NRXN1: variants seen among roughly 807,000 people sequenced by gnomAD.
NRXN1 encodes the protein neurexin-1.
Under a neutral mutation model 150.9 loss-of-function variants are expected in NRXN1, and 39 were observed. That is an observed-to-expected ratio of 0.26 (90% confidence interval 0.20 to 0.34). NRXN1 has a LOEUF of 0.34. NRXN1 is among the 10% of genes least tolerant of loss of function. The pLI is 1.00. For synonymous variants in NRXN1, 924 were observed against 757.0 expected (o/e 1.22, Z -3.62); for missense variants, 1,815 against 1,949.9 (o/e 0.93, Z 1.30).
intron 17 of NRXN1, among the ~76,000 whole-genome samples, chr2:50,331,430 T>G (rs1000742886): frequency 3.9e-5 from 6 of 152,150 alleles, no homozygotes; most frequent in Non-Finnish European, 8.8e-5. Flanking sequence ...TGTGTGTGCA[T>G]GCATATAACC....
At chr2:50,924,228 A>G (rs758658799) in intron 3 of NRXN1, among the ~76,000 whole-genome samples, 3 of 151,818 alleles carry the variant, frequency 2.0e-5, no homozygotes, top group Non-Finnish European at 4.4e-5. Flanking sequence ...TACATCAATA[A>G]GGATGGAAAT....
At chr2:50,941,433 G>C (rs886907916) in intron 2 of NRXN1, among the ~76,000 whole-genome samples, 1 of 152,166 alleles carries the variant, frequency 6.6e-6, no homozygotes, top group African/African-American at 2.4e-5. Flanking sequence ...ACTTCCTAGA[G>C]TCTTGTTGAA....
intron 18 of NRXN1, among the ~76,000 whole-genome samples, chr2:50,156,658 A>G (rs1247722427): frequency 2.0e-5 from 3 of 151,986 alleles, no homozygotes; most frequent in Non-Finnish European, 4.4e-5. Flanking sequence ...AAACCAATAC[A>G]ATGTAAAGTT....
intron 18 of NRXN1, among the ~76,000 whole-genome samples, chr2:50,227,162 G>GAAA (rs5831101): frequency 1.4e-5 from 2 of 143,608 alleles, no homozygotes. Flanking sequence ...ACAAAGACGG[G>GAAA]AAAAAAAAAA....
At chr2:50,951,837 A>G (rs1167952212) in intron 2 of NRXN1, among the ~76,000 whole-genome samples, 1 of 150,892 alleles carries the variant, frequency 6.6e-6, no homozygotes, top group African/African-American at 2.4e-5. Flanking sequence ...ATGGAATTAT[A>G]GTGATTTTAA....
At chr2:50,513,570 T>A (rs552390029) in intron 12 of NRXN1, among the ~76,000 whole-genome samples, 7 of 152,326 alleles carry the variant, frequency 4.6e-5, no homozygotes, top group Non-Finnish European at 7.4e-5. Context: ...CTTGCTGGGT[T>A]AAAATAAGAT....
rs1185549737 is a variant in NRXN1, at chr2:50,785,125, T to C, written c.832+136744A>G. On this transcript the variant is annotated intron_variant, in intron 5 of 22. Coordinates refer to ENST00000401669, the MANE Select transcript of NRXN1 (RefSeq NM_001330078.2). ...CTGAGGACATACAGAGAAAAGACCA[T>C]GTGAGGACACAGTGAGAAGGTGGAC... is the stretch of plus-strand genomic sequence containing the variant. Among the ~76,000 whole-genome samples the C allele has an allele frequency of 2.6e-5, 4 of 151,808 alleles. 1 individual carries two copies. The highest frequency in any genetic ancestry group is 4.1e-4 in the South Asian group (2 of 4,828).
At chr2:49,932,863 G>T (rs1670378398) in intron 22 of NRXN1, among the ~76,000 whole-genome samples, 1 of 152,032 alleles carries the variant, frequency 6.6e-6, no homozygotes, top group Non-Finnish European at 1.5e-5. Context: ...TATCATTACA[G>T]GAAAGAAAAC....
At chr2:50,368,325 G>GA (rs1025612248) in intron 17 of NRXN1, among the ~76,000 whole-genome samples, 268 of 150,352 alleles carry the variant, frequency 1.8e-3, no homozygotes, top group African/African-American at 6.0e-3. Flanking sequence ...AAGCATAAAT[G>GA]AAAAAAAAAT....
chr2:50,077,227 T>C (rs1399931553), intron 19 of NRXN1, among the ~76,000 whole-genome samples: 1 of 152,148 alleles, frequency 6.6e-6, no homozygotes, highest in African/African-American at 2.4e-5. Context: ...GGATACTAGC[T>C]CTTACAAATA....
intron 18 of NRXN1, among the ~76,000 whole-genome samples, chr2:50,095,086 C>A (rs896714938): frequency 6.6e-6 from 1 of 152,160 alleles, no homozygotes; most frequent in African/African-American, 2.4e-5. Flanking sequence ...GCCATGGAAA[C>A]AATCGTGCTC....
chr2:50,567,303 G>C (rs1395733848), intron 8 of NRXN1, among the ~76,000 whole-genome samples: 2 of 152,154 alleles, frequency 1.3e-5, no homozygotes, highest in East Asian at 3.9e-4. Context: ...AGTTAGATTT[G>C]ATGATTACAG....
intron 2 of NRXN1, among the ~76,000 whole-genome samples, chr2:50,990,009 G>A (rs1358995994): frequency 6.6e-6 from 1 of 151,898 alleles, no homozygotes; most frequent in Non-Finnish European, 1.5e-5. Context: ...TAAAAAATTA[G>A]CCATTCTAAT....
At chr2:50,937,130 A>G (rs1688673077) in intron 2 of NRXN1, among the ~76,000 whole-genome samples, 1 of 152,194 alleles carries the variant, frequency 6.6e-6, no homozygotes, top group Admixed American at 6.6e-5. Context: ...AGCCTGGCAC[A>G]CAGCAAAAGA....
chr2:50,209,451 C>A (rs912125496), intron 18 of NRXN1, among the ~76,000 whole-genome samples: 3 of 152,052 alleles, frequency 2.0e-5, no homozygotes, highest in Admixed American at 6.6e-5. Flanking sequence ...AGTATTGGAG[C>A]CTTCATTTTA....
chr2:50,100,634 C>T (rs939992165), intron 18 of NRXN1, among the ~76,000 whole-genome samples: 13 of 152,028 alleles, frequency 8.6e-5, no homozygotes, highest in African/African-American at 3.1e-4. Context: ...GACATATCAT[C>T]AAGCCTTTTC....
At chr2:50,132,556 C>A (rs955297366) in intron 18 of NRXN1, among the ~76,000 whole-genome samples, 7 of 152,116 alleles carry the variant, frequency 4.6e-5, no homozygotes, top group African/African-American at 1.7e-4. Context: ...CTTCCCGCCT[C>A]GGCCTCCCAA....
intron 5 of NRXN1, among the ~76,000 whole-genome samples, chr2:50,727,264 A>T (rs543931684): frequency 6.6e-6 from 1 of 152,314 alleles, no homozygotes; most frequent in Non-Finnish European, 1.5e-5. Flanking sequence ...TCTGTTAAAC[A>T]ATTTATATTT....
At position 49,924,407 on chromosome 2, in the gene NRXN1, T is replaced by C. The variant is rs17039458; in HGVS notation, c.4217-2156A>G. Among the ~76,000 whole-genome samples the C allele has an allele frequency of 9.8e-3, 1,496 of 152,314 alleles. 34 individuals carry two copies. Among genetic ancestry groups the C allele is most frequent in the African/African-American group, 0.033 (1,353 of 41,566 alleles). Reference sequence around the variant, plus strand: ...ATATTTTGTATACTAAGAATAGACATGTATTTTTTTCAATAAGGAATTGAT... The same window carrying C: ...ATATTTTGTATACTAAGAATAGACACGTATTTTTTTCAATAAGGAATTGAT... On this transcript the variant is annotated intron_variant, in intron 22 of 22. Transcript: ENST00000401669.
Sources: allele counts gnomAD v4.1 joint callset (sites outside exome capture counted in the v4.1 genomes callset), GRCh38; gene constraint gnomAD v4.1.1; transcripts MANE v1.5; gene names NCBI Gene and HGNC (gene_info 2026-07-23, HGNC 2026-07-21).